CACNA1I: variants seen among roughly 807,000 people sequenced by gnomAD.
The protein encoded by CACNA1I is calcium voltage-gated channel subunit alpha1 I.
CACNA1I carries 74 observed loss-of-function variants against 201.6 expected under a neutral mutation model. The observed-to-expected ratio is 0.37, with a 90% CI of 0.30 to 0.45. The LOEUF is 0.45. Ranked by LOEUF, CACNA1I falls within the 20% of genes least tolerant of loss-of-function variation. The pLI is 1.00. For missense variants in CACNA1I, 2,346 were observed against 3,138.1 expected (o/e 0.75, Z 6.03); for synonymous variants, 1,431 against 1,345.2 (o/e 1.06, Z -1.40).
intron 33 of CACNA1I, 72 bp from the exon 34 acceptor site, chr22:39,680,858 G>A: frequency 6.6e-7 from 1 of 1,518,338 alleles, no homozygotes. Context: ...CAGGCCTGTG[G>A]CTGCACGCCC....
intron 4 of CACNA1I, among the ~76,000 whole-genome samples, chr22:39,628,832 G>T (rs923649435): frequency 6.6e-6 from 1 of 152,088 alleles, no homozygotes; most frequent in African/African-American, 2.4e-5. Flanking sequence ...GGCTCCCCTC[G>T]CCCCGACTCC....
intron 24 of CACNA1I, among the ~76,000 whole-genome samples, chr22:39,669,039 G>C (rs1000623503): frequency 1.3e-5 from 2 of 152,170 alleles, no homozygotes; most frequent in Non-Finnish European, 2.9e-5. Context: ...TGAGACCCCT[G>C]AGTAGCAGGG....
Position 39,679,212 on chromosome 22 carries a change from C to A in CACNA1I, c.5161C>A (p.Leu1721Ile). 1 of 1,593,328 alleles carries A rather than the reference C, an allele frequency of 6.3e-7. No homozygotes were observed. Among genetic ancestry groups the A allele is most frequent in the East Asian group, 2.3e-5 (1 of 43,874 alleles). Reference protein sequence around the residue: ...VSFVLTAQFVLINVVVAVLMK... With the variant: ...VSFVLTAQFVIINVVVAVLMK... Reference sequence around the variant, plus strand: ...CTTCGTGCTCACCGCGCAGTTCGTGCTCATCAACGTGGTGGTGGCTGTGCT... The same window carrying A: ...CTTCGTGCTCACCGCGCAGTTCGTGATCATCAACGTGGTGGTGGCTGTGCT... The change falls in exon 32 of 37, where the codon CTC (leucine) becomes ATC (isoleucine). Residue 1721 changes from leucine to isoleucine, a missense_variant. Transcript: ENST00000402142.
intron 34 of CACNA1I, 114 bp from the exon 35 acceptor site, chr22:39,682,382 C>T (rs985815465): frequency 1.4e-5 from 12 of 832,700 alleles, no homozygotes; most frequent in Non-Finnish European, 1.9e-5. Context: ...GAAGGTCAGA[C>T]TAGACATGAG....
At chr22:39,610,339 AT>A (rs892053602) in intron 3 of CACNA1I, among the ~76,000 whole-genome samples, 2 of 152,196 alleles carry the variant, frequency 1.3e-5, no homozygotes, top group African/African-American at 2.4e-5. Context: ...GGGAGAGGAT[AT>A]CTGGAGCCAT....
Position 39,663,720 on chromosome 22 carries a change from T to TG in CACNA1I, c.3476_3477insG (p.Phe1159LeufsTer286). The TG allele has an allele frequency of 6.6e-7, 1 of 1,512,162 alleles. No individual in the cohort carries two copies. The highest frequency in any genetic ancestry group is 9.2e-7 in the Non-Finnish European group (1 of 1,088,316). The allele number at this position is 1,512,162 out of a possible 1,614,324, so 93.7% of individuals were successfully genotyped here. A position where few individuals can be genotyped will look rare whatever the true frequency, so the allele number is the denominator to read the frequency against. ...CAGCCCCCGCCCACCCTGCCCAGGT[T>TG]CCGGGTCCTGTGTCAGACCATTATT... On this transcript the variant is annotated frameshift_variant, in exon 19 of 37. Transcript: ENST00000402142. LOFTEE classifies it high-confidence loss of function.
intron 3 of CACNA1I, among the ~76,000 whole-genome samples, chr22:39,618,232 CAGGTGTGTGGTTGTGTG>C (rs879387911): frequency 0.35 from 50,372 of 144,190 alleles, 10,002 homozygotes; most frequent in Non-Finnish European, 0.47. Context: ...TGACTGTGTG[CAGGTGTGTGGTTGTGTG>C]CCTGTGTGTG....
At chr22:39,647,385 G>T (rs1275334943) in intron 8 of CACNA1I, among the ~76,000 whole-genome samples, 3 of 152,184 alleles carry the variant, frequency 2.0e-5, no homozygotes, top group African/African-American at 7.2e-5. Flanking sequence ...GCCACCCTGT[G>T]CTCTGTGCTT....
intron 1 of CACNA1I, among the ~76,000 whole-genome samples, chr22:39,585,386 CTTTTT>C (rs67733131): frequency 1.1e-5 from 1 of 90,458 alleles, no homozygotes; most frequent in Non-Finnish European, 2.2e-5. Flanking sequence ...TTCTTTCTTT[CTTTTT>C]TTTTTTTTTT....
At chr22:39,580,271 T>G (rs1932505541) in intron 1 of CACNA1I, among the ~76,000 whole-genome samples, 1 of 152,208 alleles carries the variant, frequency 6.6e-6, no homozygotes, top group African/African-American at 2.4e-5. Flanking sequence ...TCCGTTTCCC[T>G]CCAACTGCTG....
In CACNA1I at chr22:39,687,481, G is replaced by A. The variant is rs183039737; in HGVS notation, c.*1076G>A. On this transcript the variant is annotated 3_prime_UTR_variant, in exon 37 of 37. Coordinates refer to ENST00000402142, the MANE Select transcript of CACNA1I (RefSeq NM_021096.4). ...TGTTCCTGGACACTGTGCTGTCCCC[G>A]TCCTGAGCAACTATGCCCCCGCCCC... 7.5e-4 allele frequency: 114 copies of A among 152,440 alleles called. No homozygotes were observed. The highest frequency in any genetic ancestry group is 2.3e-3 in the Admixed American group (35 of 15,294). 9.4% of individuals were successfully genotyped at this position (152,440 alleles called of 1,614,324 possible).
At chr22:39,592,813 G>T (rs931042617) in intron 1 of CACNA1I, among the ~76,000 whole-genome samples, 1 of 152,156 alleles carries the variant, frequency 6.6e-6, no homozygotes, top group Non-Finnish European at 1.5e-5. Flanking sequence ...AGCATGAGGC[G>T]TCAGGCCAGG....
At chr22:39,682,451 T>TCC in intron 34 of CACNA1I, 45 bp from the exon 35 acceptor site, 1 of 1,569,732 alleles carries the variant, frequency 6.4e-7, no homozygotes. Context: ...TCATGAGCTG[T>TCC]CCCCCTTCCC....
Position 39,665,072 on chromosome 22 carries a change from AGGGGTCTGCAGACCCTGGGGGT to A in CACNA1I, c.3851+155_3851+176del. 1.4e-6 allele frequency: 1 copy of A among 716,254 alleles called. No homozygotes were observed. Among genetic ancestry groups the A allele is most frequent in the African/African-American group, 2.0e-5 (1 of 51,274 alleles). The allele number at this position is 716,254 out of a possible 1,614,324, so 44.4% of individuals were successfully genotyped here. On this transcript the variant is annotated intron_variant, in intron 21 of 36. Coordinates refer to ENST00000402142, the MANE Select transcript of CACNA1I (RefSeq NM_021096.4). The surrounding 1 kb of genome is among the most constrained non-coding windows in gnomAD (Gnocchi z 5.5). ...AAACACCCTGAGCTGTTCCCGGGGG[AGGGGTCTGCAGACCCTGGGGGT>A]GGGGTATGCTGGAAGAGCAGGGCTG...
intron 24 of CACNA1I, 104 bp from the exon 25 acceptor site, chr22:39,669,934 G>C: frequency 7.6e-7 from 1 of 1,316,776 alleles, no homozygotes; most frequent in East Asian, 2.3e-5. Flanking sequence ...CTGGAGGCAG[G>C]CTCAACACAT....
chr22:39,678,955 A>C (rs1161108786), intron 31 of CACNA1I, among the ~76,000 whole-genome samples, 152 bp from the exon 32 acceptor site: 6 of 152,144 alleles, frequency 3.9e-5, no homozygotes, highest in African/African-American at 1.4e-4. Flanking sequence ...CAGATGCCGC[A>C]ACAAGGCAGA....
chr22:39,624,962 G>A (rs1337692520), intron 4 of CACNA1I, among the ~76,000 whole-genome samples: 3 of 142,676 alleles, frequency 2.1e-5, no homozygotes, highest in Non-Finnish European at 3.0e-5. Flanking sequence ...AGGCTGGAGT[G>A]CAGTGGCATG....
chr22:39,627,711 G>C (rs927774604), intron 4 of CACNA1I, among the ~76,000 whole-genome samples: 13 of 152,196 alleles, frequency 8.5e-5, no homozygotes, highest in Admixed American at 2.0e-4. Flanking sequence ...GTTTACTCTC[G>C]GCTTGGGGAG....
At chr22:39,630,828 C>T (rs1400572122) in intron 4 of CACNA1I, among the ~76,000 whole-genome samples, 1 of 152,250 alleles carries the variant, frequency 6.6e-6, no homozygotes, top group African/African-American at 2.4e-5. Flanking sequence ...GTGGATCTTT[C>T]TGGCTGGGTG....
Sources: gnomAD v4.1 joint callset for allele counts (sites outside exome capture counted in the v4.1 genomes callset) on GRCh38, gnomAD v4.1.1 for gene constraint, Gnocchi (gnomAD v3.1) non-coding constraint, MANE v1.5 for transcripts, NCBI Gene and HGNC (gene_info 2026-07-23, HGNC 2026-07-21) for gene names.